Variants in NTRK2 observed in about 807,000 individuals in gnomAD.
NTRK2 encodes neurotrophic receptor tyrosine kinase 2.
NTRK2 carries 13 observed loss-of-function variants against 94.5 expected under a neutral mutation model. That is an observed-to-expected ratio of 0.14 (90% confidence interval 0.09 to 0.22). The LOEUF (loss-of-function observed/expected upper bound fraction) is 0.22. Ranked by LOEUF, NTRK2 falls within the 10% of genes least tolerant of loss-of-function variation. The pLI is 1.00. For synonymous variants in NTRK2, 372 were observed against 407.4 expected, an observed-to-expected ratio of 0.91 and a Z score of 1.05; for missense variants, 639 against 1,071.2, an observed-to-expected ratio of 0.60 and a Z score of 5.63.
Position 85,023,871 on chromosome 9 carries a change from G to C in NTRK2, c.*2434G>C, listed in dbSNP as rs536254461. ...CTACAAGTTATTTATTTTATTTTAA[G>C]AGAATAAAGTAGGTAATAATTTAAG... On this transcript the variant is annotated 3_prime_UTR_variant, in exon 19 of 19. Transcript: ENST00000277120. The C allele has an allele frequency of 4.4e-6, 1 of 229,476 alleles. No homozygotes were observed. The allele number at this position is 229,476 out of a possible 1,614,324, so 14.2% of individuals were successfully genotyped here.
chr9:84,700,405 G>A (rs1167907128), intron 2 of NTRK2, among the ~76,000 whole-genome samples: 1 of 152,142 alleles, frequency 6.6e-6, no homozygotes, highest in Non-Finnish European at 1.5e-5. Context: ...GTGGTGGGAG[G>A]AGAGAAGGGA....
intron 17 of NTRK2, among the ~76,000 whole-genome samples, chr9:84,998,285 G>A (rs941976921): frequency 2.0e-5 from 3 of 152,174 alleles, no homozygotes; most frequent in Admixed American, 2.0e-4. Flanking sequence ...CCCACTTCAA[G>A]GGGCACTTAG....
rs5898873 is a variant in NTRK2 at position 84,776,166 on chromosome 9, G to GATATAAATATAA, written c.1396+24093_1396+24104dup. Among the ~76,000 whole-genome samples the GATATAAATATAA allele has an allele frequency of 1.9e-4, 29 of 151,062 alleles. 1 individual carries two copies. In the East Asian group the frequency reaches 2.5e-3, roughly 13 times the overall value. On this transcript the variant is annotated intron_variant, in intron 12 of 18. Coordinates refer to ENST00000277120, the MANE Select transcript of NTRK2 (RefSeq NM_006180.6). ...ATAGGTAGGTAGAGAGATAGATATA[G>GATATAAATATAA]ATATAAATATAAATATAAATATAGA...
chr9:84,730,182 T>C (rs922620046), intron 9 of NTRK2, among the ~76,000 whole-genome samples: 2 of 152,180 alleles, frequency 1.3e-5, no homozygotes, highest in African/African-American at 2.4e-5. Flanking sequence ...GAAAAGCCCG[T>C]TTTTTTGTTC....
intron 12 of NTRK2, among the ~76,000 whole-genome samples, chr9:84,800,484 G>A (rs887460579): frequency 2.6e-5 from 4 of 152,096 alleles, no homozygotes; most frequent in African/African-American, 4.8e-5. Context: ...TACAGATGTG[G>A]GCCACCGTGC....
chr9:84,671,956 T>G (rs1234929437), intron 2 of NTRK2, among the ~76,000 whole-genome samples: 1 of 152,218 alleles, frequency 6.6e-6, no homozygotes, highest in African/African-American at 2.4e-5. Flanking sequence ...TCCATACATC[T>G]CATTAACATG....
At position 84,896,890 on chromosome 9, in the gene NTRK2, A is replaced by G. The variant is rs548721660; in HGVS notation, c.1633+29459A>G. On this transcript the variant is annotated intron_variant, in intron 14 of 18. Coordinates refer to ENST00000277120, the MANE Select transcript of NTRK2 (RefSeq NM_006180.6). Reference sequence around the variant, plus strand: ...AGTAAATGGGGAAGCCCGTGGCAGTAGCTGAGAGTTAGGAGCAAGAGGAGT... The same window carrying G: ...AGTAAATGGGGAAGCCCGTGGCAGTGGCTGAGAGTTAGGAGCAAGAGGAGT... Among the ~76,000 whole-genome samples the G allele has an allele frequency of 2.0e-5, 3 of 152,338 alleles. No individual in the cohort carries two copies. In the South Asian group the frequency reaches 6.2e-4, roughly 32 times the overall value.
At chr9:84,813,951 C>T (rs1627784) in intron 12 of NTRK2, 736,335 of 1,065,042 alleles carry the variant, frequency 0.69, 254,717 homozygotes, top group South Asian at 0.75. Context: ...ATGCATCCAC[C>T]GTCATCACAT....
chr9:84,717,710 C>G (rs541199931), intron 6 of NTRK2, among the ~76,000 whole-genome samples: 12 of 152,060 alleles, frequency 7.9e-5, no homozygotes, highest in Non-Finnish European at 1.3e-4. Flanking sequence ...TACTAAGTAC[C>G]CAATAAATAA....
At chr9:84,717,523 C>G (rs2061775988) in intron 6 of NTRK2, among the ~76,000 whole-genome samples, 1 of 152,238 alleles carries the variant, frequency 6.6e-6, no homozygotes, top group African/African-American at 2.4e-5. Context: ...GGTTAAGGCC[C>G]TGGACAGACA....
intron 12 of NTRK2, chr9:84,812,757 C>G: frequency 3.5e-5 from 36 of 1,038,842 alleles, no homozygotes; most frequent in Non-Finnish European, 4.2e-5. Flanking sequence ...GTTCCAGACC[C>G]AAAAAGGAAA....
chr9:84,751,965 A>G (rs754590613), intron 11 of NTRK2, 21 bp from the exon 12 acceptor site: 52 of 1,606,196 alleles, frequency 3.2e-5, no homozygotes, highest in Non-Finnish European at 3.8e-5. Context: ...GGTTATAACC[A>G]CCCTCCCTTC....
chr9:84,867,485 CAG>C, intron 14 of NTRK2, 54 bp downstream of exon 14: 1 of 1,468,256 alleles, frequency 6.8e-7, no homozygotes, highest in South Asian at 1.1e-5. Flanking sequence ...CTGTATCAAC[CAG>C]AGTGTTTATC....
At chr9:84,982,346 T>C (rs1827730005) in intron 17 of NTRK2, among the ~76,000 whole-genome samples, 1 of 152,172 alleles carries the variant, frequency 6.6e-6, no homozygotes, top group East Asian at 1.9e-4. Context: ...AGATTATTAG[T>C]GGTCCTAATG....
At chr9:84,770,174 A>G (rs2066405898) in intron 12 of NTRK2, among the ~76,000 whole-genome samples, 1 of 151,680 alleles carries the variant, frequency 6.6e-6, no homozygotes, top group African/African-American at 2.4e-5. Context: ...ACACACACAC[A>G]CACACACACA....
chr9:84,706,710 T>C (rs1291202954), intron 4 of NTRK2, among the ~76,000 whole-genome samples: 6 of 151,742 alleles, frequency 4.0e-5, no homozygotes, highest in Non-Finnish European at 7.4e-5. Context: ...AGTATTTTTT[T>C]TAGTGGAGAC....
chr9:84,741,593 C>CAA (rs2063656013), intron 9 of NTRK2, among the ~76,000 whole-genome samples: 1 of 152,072 alleles, frequency 6.6e-6, no homozygotes, highest in Non-Finnish European at 1.5e-5. Flanking sequence ...GAAACAGTAC[C>CAA]AAAAGAAGAA....
intron 14 of NTRK2, among the ~76,000 whole-genome samples, chr9:84,894,659 A>G (rs1208359835): frequency 6.6e-6 from 1 of 152,264 alleles, no homozygotes. Flanking sequence ...TAGTTTGCCT[A>G]CAAAAATCTT....
intron 12 of NTRK2, among the ~76,000 whole-genome samples, chr9:84,838,982 T>G (rs911555863): frequency 3.3e-5 from 5 of 152,160 alleles, no homozygotes; most frequent in African/African-American, 9.7e-5. Flanking sequence ...CACAAAGGCC[T>G]TGGGAGGTGA....
Sources: allele counts gnomAD v4.1 joint callset (sites outside exome capture counted in the v4.1 genomes callset), GRCh38; gene constraint gnomAD v4.1.1; transcripts MANE v1.5; gene names NCBI Gene and HGNC (gene_info 2026-07-23, HGNC 2026-07-21).